PDE4B: variants seen among roughly 807,000 people sequenced by gnomAD.
The protein encoded by PDE4B is phosphodiesterase 4B, also known as 3',5'-cyclic-AMP phosphodiesterase 4B.
In PDE4B, 20 loss-of-function variants were observed where a neutral mutation model predicts 82.2. The observed-to-expected ratio is 0.24, with a 90% CI of 0.17 to 0.35. The LOEUF (loss-of-function observed/expected upper bound fraction) is 0.35, where lower values mean the gene tolerates loss of function less well. PDE4B is among the 10% of genes least tolerant of loss of function. PDE4B has a pLI of 1.00. For synonymous variants in PDE4B, 320 were observed against 318.9 expected (o/e 1.00, Z -0.04); for missense variants, 655 against 907.2 (o/e 0.72, Z 3.57).
chr1:66,054,764 T>C (rs181232684), intron 3 of PDE4B, among the ~76,000 whole-genome samples: 32 of 152,348 alleles, frequency 2.1e-4, no homozygotes, highest in African/African-American at 6.0e-4. Context: ...AAATATATGA[T>C]GTATACATTC....
At chr1:66,263,408 G>A (rs952819491) in intron 6 of PDE4B, among the ~76,000 whole-genome samples, 1 of 152,164 alleles carries the variant, frequency 6.6e-6, no homozygotes, top group Non-Finnish European at 1.5e-5. Flanking sequence ...AACAGCAAGT[G>A]GCATATAGAA....
intron 1 of PDE4B, among the ~76,000 whole-genome samples, chr1:65,891,167 G>A (rs576781788): frequency 6.6e-6 from 1 of 152,098 alleles, no homozygotes; most frequent in Non-Finnish European, 1.5e-5. Flanking sequence ...TTTGTTACCT[G>A]TGGTGTATTG....
At chr1:65,964,267 T>G (rs1649700808) in intron 3 of PDE4B, among the ~76,000 whole-genome samples, 1 of 152,188 alleles carries the variant, frequency 6.6e-6, no homozygotes, top group Admixed American at 6.6e-5. Flanking sequence ...TACAAAAGTC[T>G]TCCCAGGTTA....
At chr1:66,236,174 C>A (rs1479694713) in intron 3 of PDE4B, among the ~76,000 whole-genome samples, 3 of 151,686 alleles carry the variant, frequency 2.0e-5, no homozygotes, top group East Asian at 1.9e-4. Flanking sequence ...TTATATATAT[C>A]TCTTCATTTT....
In PDE4B at chr1:66,065,779, G is replaced by T. The variant is rs1353099907; in HGVS notation, c.281+146944G>T. Among the ~76,000 whole-genome samples, 3 of 151,802 alleles carry T rather than the reference G, an allele frequency of 2.0e-5. No individual in the cohort carries two copies. In the East Asian group the frequency reaches 5.8e-4, roughly 29 times the overall value. On this transcript the variant is annotated intron_variant, in intron 3 of 16. Coordinates refer to ENST00000341517, the MANE Select transcript of PDE4B (RefSeq NM_002600.4). ...ACTGAAATTCAGTTCTCAAATTCTT[G>T]TTCCAGTGTTTTATCTATTATTATA...
chr1:66,277,401 A>T (rs1035387071), intron 7 of PDE4B, among the ~76,000 whole-genome samples: 4 of 151,772 alleles, frequency 2.6e-5, no homozygotes, highest in African/African-American at 4.8e-5. Flanking sequence ...TTATTTATTT[A>T]TTTTTTGTTT....
At chr1:65,910,006 A>T (rs1460030868) in intron 1 of PDE4B, among the ~76,000 whole-genome samples, 1 of 152,224 alleles carries the variant, frequency 6.6e-6, no homozygotes, top group South Asian at 2.1e-4. Context: ...ATAGGTTAAT[A>T]GTCTTGGTTT....
chr1:66,096,276 T>C (rs1045632798), intron 3 of PDE4B, among the ~76,000 whole-genome samples: 1 of 151,622 alleles, frequency 6.6e-6, no homozygotes, highest in Non-Finnish European at 1.5e-5. Context: ...GTTTTTAACT[T>C]TCTGTTCCTG....
chr1:66,354,419 C>T, intron 8 of PDE4B: 2 of 987,792 alleles, frequency 2.0e-6, no homozygotes, highest in Non-Finnish European at 2.4e-6. Context: ...GGCTGTGTTT[C>T]CTAGTCTGGC....
chr1:65,961,788 C>T (rs1269405575), intron 3 of PDE4B, among the ~76,000 whole-genome samples: 1 of 151,958 alleles, frequency 6.6e-6, no homozygotes, highest in African/African-American at 2.4e-5. Flanking sequence ...TCATGTTATG[C>T]CATAGAGGAT....
At chr1:66,168,411 G>A (rs1041549961) in intron 3 of PDE4B, among the ~76,000 whole-genome samples, 2 of 152,148 alleles carry the variant, frequency 1.3e-5, no homozygotes, top group Admixed American at 6.5e-5. Context: ...CCTTGATAAC[G>A]AGGTGACATT....
intron 3 of PDE4B, among the ~76,000 whole-genome samples, chr1:66,151,763 T>C (rs72679118): frequency 0.1 from 15,198 of 152,234 alleles, 1,071 homozygotes; most frequent in East Asian, 0.16. Flanking sequence ...GGCACCATAT[T>C]TGATTCATCT....
chr1:66,219,714 CA>C lies in PDE4B; in HGVS notation c.282-27745del, dbSNP rs372094085. Among the ~76,000 whole-genome samples, 11 of 152,216 alleles carry C rather than the reference CA, an allele frequency of 7.2e-5. No individual in the cohort carries two copies. In the East Asian group the frequency reaches 1.3e-3, roughly 19 times the overall value. Reference sequence around the variant, plus strand: ...AAATAAAACTACTAATTGGGATCTTCAGATCAAACACTGTCAAGAAGACTAT... The same window carrying C: ...AAATAAAACTACTAATTGGGATCTTCGATCAAACACTGTCAAGAAGACTAT... On this transcript the variant is annotated intron_variant, in intron 3 of 16. Transcript: ENST00000341517.
chr1:66,169,700 A>G (rs1646803325), intron 3 of PDE4B, among the ~76,000 whole-genome samples: 1 of 152,192 alleles, frequency 6.6e-6, no homozygotes, highest in Non-Finnish European at 1.5e-5. Flanking sequence ...GCTAAAAGAA[A>G]CTCCAGAACA....
chr1:66,363,139 C>A (rs1662942189), intron 10 of PDE4B, 29 bp from the exon 11 acceptor site: 1 of 1,475,024 alleles, frequency 6.8e-7, no homozygotes, highest in African/African-American at 1.4e-5. Context: ...TTTCCTTATT[C>A]CTAAATTCCT....
At chr1:65,914,534 A>C (rs2100463054) in intron 2 of PDE4B, among the ~76,000 whole-genome samples, 1 of 149,026 alleles carries the variant, frequency 6.7e-6, no homozygotes, top group South Asian at 2.1e-4. Context: ...TTATAGTCTA[A>C]GTTCTCAGTA....
At chr1:66,360,642 A>G (rs950674663) in intron 9 of PDE4B, 1 of 152,180 alleles carries the variant, frequency 6.6e-6, no homozygotes, top group African/African-American at 2.4e-5. Context: ...GCCTCTGTGC[A>G]CCCACCAGCA....
intron 3 of PDE4B, among the ~76,000 whole-genome samples, chr1:65,951,395 T>C (rs1311088955): frequency 6.6e-6 from 1 of 152,110 alleles, no homozygotes; most frequent in Non-Finnish European, 1.5e-5. Context: ...TGGCCAAGAA[T>C]AAGATTTGGC....
intron 3 of PDE4B, among the ~76,000 whole-genome samples, chr1:66,018,240 A>ACC (rs1652890012): frequency 6.6e-6 from 1 of 151,932 alleles, no homozygotes; most frequent in Non-Finnish European, 1.5e-5. Flanking sequence ...ACACCGTGAA[A>ACC]CCCCGTCTCT....
Sources: gnomAD v4.1 joint callset for allele counts (sites outside exome capture counted in the v4.1 genomes callset) on GRCh38, gnomAD v4.1.1 for gene constraint, MANE v1.5 for transcripts, NCBI Gene and HGNC (gene_info 2026-07-23, HGNC 2026-07-21) for gene names.